Variants in CFAP92 observed in about 807,000 individuals in gnomAD.
CFAP92 encodes the protein uncharacterized protein CFAP92.
Under a neutral mutation model 106.3 loss-of-function variants are expected in CFAP92, and 86 were observed. The ratio of observed to expected loss-of-function variants is 0.81; its 90% CI spans 0.68 to 0.97. The LOEUF (loss-of-function observed/expected upper bound fraction) is 0.97, where lower values mean the gene tolerates loss of function less well. Ranked by LOEUF, CFAP92 falls within the 50% of genes least tolerant of loss-of-function variation. CFAP92 has a pLI of 0.00. For missense variants in CFAP92, 1,204 were observed against 1,283.8 expected, an observed-to-expected ratio of 0.94 and a Z score of 0.95; for synonymous variants, 477 against 506.4, an observed-to-expected ratio of 0.94 and a Z score of 0.78.
intron 15 of CFAP92, chr3:128,912,734 T>C (rs1475845933): frequency 4.4e-6 from 4 of 919,000 alleles, no homozygotes; most frequent in Non-Finnish European, 7.2e-6. Flanking sequence ...CGTCTGCACC[T>C]GAAGGGTTGT....
At chr3:128,931,852 A>G (rs1333655571) in intron 12 of CFAP92, among the ~76,000 whole-genome samples, 1 of 150,766 alleles carries the variant, frequency 6.6e-6, no homozygotes, top group Admixed American at 6.6e-5. Flanking sequence ...GCAAGACCCA[A>G]TCTCTAAAAA....
chr3:128,945,090 A>G lies in CFAP92; in HGVS notation c.2239T>C (p.Trp747Arg). 6.5e-7 allele frequency: 1 copy of G among 1,527,684 alleles called. No homozygotes were observed. The highest frequency in any genetic ancestry group is 1.2e-5 in the South Asian group (1 of 83,360). The allele number at this position is 1,527,684 out of a possible 1,614,324, so 94.6% of individuals were successfully genotyped here. A position where few individuals can be genotyped will look rare whatever the true frequency, so the allele number is the denominator to read the frequency against. Residue 747 changes from tryptophan (W) to arginine (R), a missense_variant, in exon 10 of 16, where the codon TGG (tryptophan) becomes CGG (arginine). By Grantham distance (101) the Trp-to-Arg change is moderately radical. Transcript: ENST00000645291. ...GLADQGLRQL[W>R]ENHQSWIPRS... ...ACCTACCAGCTTTGGTGGTTCTCCCACAGCTGCCTCAAGCCTTGGTCGGCC... is the reference window on the plus strand; with the variant it reads ...ACCTACCAGCTTTGGTGGTTCTCCCGCAGCTGCCTCAAGCCTTGGTCGGCC...
At chr3:128,923,139 G>C (rs528512980) in intron 12 of CFAP92, among the ~76,000 whole-genome samples, 21 of 149,012 alleles carry the variant, frequency 1.4e-4, no homozygotes, top group African/African-American at 4.9e-4. Flanking sequence ...TTGAGGGTAT[G>C]CTTGTGTTTT....
chr3:129,001,604 G>T (rs1028623359), intron 1 of CFAP92: 15 of 1,355,856 alleles, frequency 1.1e-5, no homozygotes, highest in African/African-American at 1.5e-5. Flanking sequence ...GGAGGGACCG[G>T]AGGAGCGAGG....
chr3:128,909,967 T>C lies in CFAP92; in HGVS notation c.*332A>G. 14 of 1,604,054 alleles carry C rather than the reference T, an allele frequency of 8.7e-6. No individual in the cohort carries two copies. The highest frequency in any genetic ancestry group is 2.3e-5 in the South Asian group (2 of 88,784). On this transcript the variant is annotated 3_prime_UTR_variant, in exon 16 of 16. Transcript: ENST00000645291. ...AAAGATGCAGCCCAGGGAGGGACCA[T>C]GTGGGGGACTGGTCTAGGTAGTGAG...
At chr3:128,948,339 T>C (rs1464604646) in intron 9 of CFAP92, among the ~76,000 whole-genome samples, 1 of 150,248 alleles carries the variant, frequency 6.7e-6, no homozygotes, top group East Asian at 2.0e-4. Context: ...GGACTACAGG[T>C]GTGTGCTACC....
At chr3:128,936,171 C>T (rs922280856) in intron 10 of CFAP92, among the ~76,000 whole-genome samples, 25 of 152,344 alleles carry the variant, frequency 1.6e-4, no homozygotes, top group African/African-American at 5.5e-4. Flanking sequence ...TGTCATTGCC[C>T]TGCACTGGCC....
At chr3:128,999,289 GCAGA>G (rs1318949165) in intron 1 of CFAP92, among the ~76,000 whole-genome samples, 1 of 152,154 alleles carries the variant, frequency 6.6e-6, no homozygotes, top group African/African-American at 2.4e-5. Context: ...ACACCGCAGG[GCAGA>G]CAGACAGGCC....
intron 2 of CFAP92, among the ~76,000 whole-genome samples, chr3:128,992,194 T>C (rs1410652524): frequency 6.6e-6 from 1 of 152,220 alleles, no homozygotes; most frequent in Non-Finnish European, 1.5e-5. Context: ...TTTGGGTTTG[T>C]TGCACCGCAT....
the CFAP92 span, among the ~76,000 whole-genome samples, chr3:129,012,880 G>A: frequency 6.6e-6 from 1 of 152,228 alleles, no homozygotes; most frequent in African/African-American, 2.4e-5. Context: ...CGGGCATTGG[G>A]CATTTTTTTA....
chr3:128,910,542 C>T (rs967450905), intron 15 of CFAP92, among the ~76,000 whole-genome samples: 4 of 152,152 alleles, frequency 2.6e-5, no homozygotes, highest in Non-Finnish European at 4.4e-5. Flanking sequence ...GAAACAGGGT[C>T]AGAGATGTTG....
intron 12 of CFAP92, among the ~76,000 whole-genome samples, chr3:128,924,484 G>A (rs1937530940): frequency 9.1e-6 from 1 of 110,126 alleles, no homozygotes; most frequent in Non-Finnish European, 1.7e-5. Flanking sequence ...CGCTCTTGTT[G>A]CCCAGGCTGG....
At chr3:128,961,789 C>T (rs141185567) in intron 9 of CFAP92, among the ~76,000 whole-genome samples, 2,384 of 152,246 alleles carry the variant, frequency 0.016, 37 homozygotes, top group South Asian at 0.061. Flanking sequence ...AATTAAATTC[C>T]GGCCCTCAAA....
intron 10 of CFAP92, among the ~76,000 whole-genome samples, chr3:128,944,044 C>T (rs1939955303): frequency 6.6e-6 from 1 of 151,322 alleles, no homozygotes; most frequent in Non-Finnish European, 1.5e-5. Flanking sequence ...ATTCTCCCAC[C>T]TTGGCCACCC....
At chr3:128,914,112 C>A (rs9840253) in intron 15 of CFAP92, among the ~76,000 whole-genome samples, 11,857 of 152,222 alleles carry the variant, frequency 0.078, 1,215 homozygotes, top group African/African-American at 0.24. Flanking sequence ...GAAGAGGAGA[C>A]CCCAGCAAGT....
intron 9 of CFAP92, among the ~76,000 whole-genome samples, chr3:128,956,253 T>TAAAAAA (rs1941411837): frequency 9.5e-6 from 1 of 105,002 alleles, no homozygotes; most frequent in Non-Finnish European, 2.2e-5. Context: ...AAAAAGAAAT[T>TAAAAAA]ACCCAATCTG....
chr3:128,919,972 A>T (rs1021415898), intron 12 of CFAP92, among the ~76,000 whole-genome samples: 3 of 152,234 alleles, frequency 2.0e-5, no homozygotes, highest in Admixed American at 2.0e-4. Context: ...AAGAGTCTCT[A>T]TAGTTTTCAA....
At chr3:128,917,567 T>C (rs1238860535) in intron 12 of CFAP92, among the ~76,000 whole-genome samples, 1 of 152,188 alleles carries the variant, frequency 6.6e-6, no homozygotes, top group East Asian at 1.9e-4. Flanking sequence ...GGCCACAGAC[T>C]GAACAACTGA....
At chr3:128,998,401 G>T (rs764042702), upstream of CFAP92, among the ~76,000 whole-genome samples, 41 of 152,074 alleles carry the variant, frequency 2.7e-4, no homozygotes, top group Non-Finnish European at 5.1e-4. Flanking sequence ...TAGAAGTAAA[G>T]CTTGGTGTCT....
Sources: gnomAD v4.1 joint callset for allele counts (sites outside exome capture counted in the v4.1 genomes callset) on GRCh38, gnomAD v4.1.1 for gene constraint, MANE v1.5 for transcripts, NCBI Gene and HGNC (gene_info 2026-07-23, HGNC 2026-07-21) for gene names.